SEMA5B: variants seen among roughly 807,000 people sequenced by gnomAD.
The protein encoded by SEMA5B is semaphorin 5B.
SEMA5B carries 66 observed loss-of-function variants against 135.0 expected under a neutral mutation model. The observed-to-expected ratio is 0.49, with a 90% CI of 0.40 to 0.60. The LOEUF (loss-of-function observed/expected upper bound fraction) is 0.60. SEMA5B is among the 20% of genes least tolerant of loss of function. The pLI, the probability that SEMA5B is intolerant of heterozygous loss-of-function variation, is 0.00. For missense variants in SEMA5B, 1,501 were observed against 1,566.3 expected, an observed-to-expected ratio of 0.96 and a Z score of 0.70; for synonymous variants, 690 against 639.5, an observed-to-expected ratio of 1.08 and a Z score of -1.19.
chr3:122,925,260 A>G (rs772335156), intron 9 of SEMA5B, among the ~76,000 whole-genome samples: 1 of 151,708 alleles, frequency 6.6e-6, no homozygotes, highest in Admixed American at 6.6e-5. Context: ...CCCACCCATC[A>G]CTGTCTATAT....
intron 1 of SEMA5B, among the ~76,000 whole-genome samples, chr3:123,025,276 GT>G (rs58046355): frequency 0.013 from 2,044 of 152,074 alleles, 67 homozygotes; most frequent in African/African-American, 0.047. Context: ...GAGTCATCGA[GT>G]TTTTTTTAAC....
chr3:122,912,861 T>C lies in SEMA5B; in HGVS notation c.2707A>G (p.Asn903Asp), dbSNP rs763504171. The change falls in exon 18 of 23, where the codon AAC (asparagine) becomes GAC (aspartate). Residue 903 changes from asparagine to aspartate, a missense_variant. Coordinates refer to ENST00000357599, the MANE Select transcript of SEMA5B (RefSeq NM_001031702.4). The stretch of plus-strand genomic sequence containing the variant: ...GGGTTACCTGGGCAAGCCTGGGGGT[T>C]GCAGTCCTGGTACTCGGCAGCATCG... Reference protein sequence around the residue: ...VGDAAEYQDCNPQACPVRGAW... With the variant: ...VGDAAEYQDCDPQACPVRGAW... 1 of 1,592,032 alleles carries C rather than the reference T, an allele frequency of 6.3e-7. No individual in the cohort carries two copies.
At chr3:122,925,830 G>T (rs1464911528) in intron 9 of SEMA5B, among the ~76,000 whole-genome samples, 1 of 148,022 alleles carries the variant, frequency 6.8e-6, no homozygotes, top group Non-Finnish European at 1.5e-5. Context: ...AAAGTCACCT[G>T]TTTGGGTTAG....
chr3:122,915,355 A>G (rs1281004399), intron 14 of SEMA5B, 85 bp downstream of exon 14: 45 of 1,374,432 alleles, frequency 3.3e-5, no homozygotes, highest in Non-Finnish European at 4.3e-5. Context: ...CCTTAGTGCA[A>G]ACACCCAAGT....
chr3:122,927,845 G>A lies in SEMA5B; in HGVS notation c.795C>T (p.Ser265=). Residue 265 remains serine (S), a synonymous_variant, in exon 8 of 23, where the codon AGC becomes AGT. Coordinates refer to ENST00000357599, the MANE Select transcript of SEMA5B (RefSeq NM_001031702.4). ...TGCGAAGCGGTGGCCCACTGCCCAGGCTGCGGTAGATGGCAGGGTCCCGAC... is the reference window on the plus strand; with the variant it reads ...TGCGAAGCGGTGGCCCACTGCCCAGACTGCGGTAGATGGCAGGGTCCCGAC... ...FSGRDPAIYR[S]LGSGPPLRTA... The A allele has an allele frequency of 6.3e-7, 1 of 1,582,728 alleles. No homozygotes were observed. The highest frequency in any genetic ancestry group is 8.6e-7 in the Non-Finnish European group (1 of 1,163,402).
At chr3:123,022,714 C>T (rs977663429) in intron 1 of SEMA5B, among the ~76,000 whole-genome samples, 1 of 152,218 alleles carries the variant, frequency 6.6e-6, no homozygotes, top group Non-Finnish European at 1.5e-5. Context: ...AATAATTTCT[C>T]ACTGGTGAGT....
chr3:122,922,268 C>T lies in SEMA5B; in HGVS notation c.1452G>A (p.Thr484=). 6.2e-7 allele frequency: 1 copy of T among 1,613,970 alleles called. No individual in the cohort carries two copies. The highest frequency in any genetic ancestry group is 8.5e-7 in the Non-Finnish European group (1 of 1,179,906). The change falls in exon 11 of 23, where the codon ACG becomes ACA. Residue 484 remains threonine, a synonymous_variant. Coordinates refer to ENST00000357599, the MANE Select transcript of SEMA5B (RefSeq NM_001031702.4). ...LVVDLVQAKD[T]LYHVLYIGTE... is the part of the protein sequence containing the mutation. ...TGCCAATGTAGAGTACATGGTAGAG[C>T]GTGTCTTTAGCCTGCACCAGGTCCA... is the stretch of plus-strand genomic sequence containing the variant.
chr3:123,021,956 A>G (rs1272012127), intron 1 of SEMA5B, among the ~76,000 whole-genome samples: 2 of 152,186 alleles, frequency 1.3e-5, no homozygotes, highest in Non-Finnish European at 2.9e-5. Context: ...TGGGTTAACA[A>G]CAGGGGGGTT....
intron 21 of SEMA5B, among the ~76,000 whole-genome samples, 162 bp from the exon 22 acceptor site, chr3:122,911,207 A>C (rs1937680773): frequency 6.6e-6 from 1 of 152,198 alleles, no homozygotes; most frequent in African/African-American, 2.4e-5. Context: ...GGAGGCTGTC[A>C]CTGGGGACCT....
At chr3:122,920,703 T>C (rs1002847349) in intron 12 of SEMA5B, among the ~76,000 whole-genome samples, 1 of 152,220 alleles carries the variant, frequency 6.6e-6, no homozygotes, top group African/African-American at 2.4e-5. Context: ...GGTTAGTAGA[T>C]GATGGAGTTG....
In SEMA5B at chr3:122,912,265, G is replaced by C; in HGVS notation, c.2803C>G (p.Arg935Gly). 6.2e-7 allele frequency: 1 copy of C among 1,612,146 alleles called. No homozygotes were observed. ...GAGGGTGCGGGGCTGGTGCAGGAACGGGTGCGTTGATAGTGACCCCCACCA... is the reference window on the plus strand; with the variant it reads ...GAGGGTGCGGGGCTGGTGCAGGAACCGGTGCGTTGATAGTGACCCCCACCA... Reference protein sequence around the residue: ...SCGGGHYQRTRSCTSPAPSPG... With the variant: ...SCGGGHYQRTGSCTSPAPSPG... Residue 935 changes from arginine (R) to glycine (G), a missense_variant, in exon 19 of 23, where the codon CGT (arginine) becomes GGT (glycine). This residue lies in a region of SEMA5B where 927 missense variants were observed against 881.6 expected (regional missense o/e 1.05). Coordinates refer to ENST00000357599, the MANE Select transcript of SEMA5B (RefSeq NM_001031702.4).
intron 12 of SEMA5B, among the ~76,000 whole-genome samples, chr3:122,920,787 G>T (rs1233956339): frequency 1.3e-5 from 2 of 152,184 alleles, no homozygotes; most frequent in Non-Finnish European, 2.9e-5. Context: ...CTCCCCACAT[G>T]TCTGATATAG....
chr3:122,919,607 T>A (rs1938250855), intron 12 of SEMA5B, among the ~76,000 whole-genome samples: 1 of 152,206 alleles, frequency 6.6e-6, no homozygotes, highest in South Asian at 2.1e-4. Context: ...TAAAACCTTG[T>A]GACAACACTC....
intron 1 of SEMA5B, among the ~76,000 whole-genome samples, chr3:123,014,160 G>T (rs987410495): frequency 1.3e-5 from 2 of 152,210 alleles, no homozygotes; most frequent in East Asian, 1.9e-4. Flanking sequence ...GCACTAGGGC[G>T]GCTGGGAGGC....
chr3:122,925,312 G>A (rs749364905), intron 9 of SEMA5B, among the ~76,000 whole-genome samples: 2 of 151,932 alleles, frequency 1.3e-5, no homozygotes, highest in African/African-American at 2.4e-5. Context: ...CACATTGGAA[G>A]AAGAGTAGTC....
chr3:123,016,738 C>T (rs1273892842), intron 1 of SEMA5B, among the ~76,000 whole-genome samples: 2 of 151,646 alleles, frequency 1.3e-5, no homozygotes, highest in Non-Finnish European at 2.9e-5. Flanking sequence ...CCATACCTGG[C>T]TAATTTAAAA....
At position 122,909,238 on chromosome 3, in the gene SEMA5B, CTT is replaced by C. The variant is rs935741459; in HGVS notation, c.*903_*904del. The C allele has an allele frequency of 6.6e-6, 1 of 152,376 alleles. No homozygotes were observed. Among genetic ancestry groups the C allele is most frequent in the Non-Finnish European group, 1.5e-5 (1 of 68,070 alleles). 9.4% of individuals were successfully genotyped at this position (152,376 alleles called of 1,614,324 possible). On this transcript the variant is annotated 3_prime_UTR_variant, in exon 23 of 23. Coordinates refer to ENST00000357599, the MANE Select transcript of SEMA5B (RefSeq NM_001031702.4). The stretch of plus-strand genomic sequence containing the variant: ...AATTAATAATGCCACAGCCCAATGT[CTT>C]TTTTGTTGCTGTAGCAAATTGTGAT...
At chr3:122,921,853 C>T in intron 12 of SEMA5B, 62 bp downstream of exon 12, 1 of 1,421,148 alleles carries the variant, frequency 7.0e-7, no homozygotes, top group Non-Finnish European at 9.4e-7. Context: ...GGGTCCAAAG[C>T]CCCGCCTCTT....
chr3:122,940,754 C>T (rs942555841), intron 4 of SEMA5B, among the ~76,000 whole-genome samples: 9 of 152,176 alleles, frequency 5.9e-5, no homozygotes, highest in African/African-American at 9.7e-5. Context: ...TGGGGCTGGG[C>T]GGGCCTCCCA....
Sources: allele counts gnomAD v4.1 joint callset (sites outside exome capture counted in the v4.1 genomes callset), GRCh38; gene constraint gnomAD v4.1.1; regional missense constraint gnomAD v4.1.1; transcripts MANE v1.5; gene names NCBI Gene and HGNC (gene_info 2026-07-23, HGNC 2026-07-21).